Variants in TSPEAR observed in about 807,000 individuals in gnomAD.
TSPEAR encodes thrombospondin-type laminin G domain and EAR repeat-containing protein.
A neutral mutation model predicts 71.6 loss-of-function variants in TSPEAR; 69 were observed. That is an observed-to-expected ratio of 0.96 (90% CI 0.79 to 1.18). The LOEUF (loss-of-function observed/expected upper bound fraction) is 1.18. TSPEAR is among the 50% of genes most tolerant of loss of function. The pLI, the probability that TSPEAR is intolerant of heterozygous loss-of-function variation, is 0.00. For missense variants in TSPEAR, 971 were observed against 894.9 expected (o/e 1.09, Z -1.09); for synonymous variants, 402 against 387.2 (o/e 1.04, Z -0.45).
At chr21:44,604,423 C>A (rs1158698786) in intron 1 of TSPEAR, among the ~76,000 whole-genome samples, 2 of 151,976 alleles carry the variant, frequency 1.3e-5, no homozygotes, top group African/African-American at 4.8e-5. Flanking sequence ...GATAAGATAG[C>A]CAATCTCACC....
intron 1 of TSPEAR, chr21:44,573,690 C>CCTCA: frequency 6.4e-7 from 1 of 1,571,516 alleles, no homozygotes. Context: ...AACCCGAGCA[C>CCTCA]CTCACTCACT....
chr21:44,683,110 G>A lies in TSPEAR; in HGVS notation c.82+28323C>T, dbSNP rs147746214. On this transcript the variant is annotated intron_variant, in intron 1 of 11. Coordinates refer to ENST00000323084, the MANE Select transcript of TSPEAR (RefSeq NM_144991.3). The stretch of plus-strand genomic sequence containing the variant: ...AGGACCACAGACTACAGTGAGACCC[G>A]CCTAGGCCAGCCCGAACAAAGCCTA... 1.2e-3 allele frequency among the ~76,000 whole-genome samples: 184 copies of A among 152,070 alleles called. 1 individual carries two copies. The highest frequency in any genetic ancestry group is 4.3e-3 in the African/African-American group (177 of 41,484).
At chr21:44,707,494 C>T (rs1482568868) in intron 1 of TSPEAR, among the ~76,000 whole-genome samples, 6 of 152,108 alleles carry the variant, frequency 3.9e-5, no homozygotes, top group African/African-American at 1.2e-4. Flanking sequence ...GCTGGAGACC[C>T]TTGGCTTGTC....
rs576730055 is a variant in TSPEAR at position 44,701,903 on chromosome 21, C to T, written c.82+9530G>A. Reference sequence around the variant, plus strand: ...TGAGCAGCTGCAATTCTGTGTCTTTCGGCAAGTCTCTCCCTATCCTCCCTG... The same window carrying T: ...TGAGCAGCTGCAATTCTGTGTCTTTTGGCAAGTCTCTCCCTATCCTCCCTG... On this transcript the variant is annotated intron_variant, in intron 1 of 11. Coordinates refer to ENST00000323084, the MANE Select transcript of TSPEAR (RefSeq NM_144991.3). Among the ~76,000 whole-genome samples the T allele has an allele frequency of 1.1e-4, 17 of 152,272 alleles. No homozygotes were observed. The East Asian group carries it at 2.7e-3, about 24-fold the overall frequency.
At chr21:44,660,622 T>A (rs587716859) in intron 1 of TSPEAR, among the ~76,000 whole-genome samples, 1 of 152,330 alleles carries the variant, frequency 6.6e-6, no homozygotes, top group South Asian at 2.1e-4. Flanking sequence ...AAAAATTTCT[T>A]TGAGCCAAGG....
chr21:44,610,518 G>C (rs781961244), intron 1 of TSPEAR, among the ~76,000 whole-genome samples: 1 of 152,254 alleles, frequency 6.6e-6, no homozygotes, highest in African/African-American at 2.4e-5. Flanking sequence ...ATATGGAAAC[G>C]CATGGATGCC....
intron 1 of TSPEAR, chr21:44,697,618 AGCT>A: frequency 1.2e-6 from 2 of 1,612,846 alleles, no homozygotes; most frequent in Non-Finnish European, 1.7e-6. Context: ...GCTGCCAGCC[AGCT>A]TGCTGCATCT....
At chr21:44,554,826 T>C (rs1294870623) in intron 2 of TSPEAR, among the ~76,000 whole-genome samples, 2 of 152,266 alleles carry the variant, frequency 1.3e-5, no homozygotes, top group Non-Finnish European at 2.9e-5. Context: ...TGTGCGGTTC[T>C]GTTTCTACTG....
chr21:44,589,041 A>C (rs116295049), intron 1 of TSPEAR, among the ~76,000 whole-genome samples: 4,791 of 152,178 alleles, frequency 0.031, 165 homozygotes, highest in African/African-American at 0.083. Context: ...AACTACAAAT[A>C]GGGTGCAGTG....
rs199987981 is a variant in TSPEAR, at chr21:44,558,117, C to T, written c.303+9668G>A. The T allele has an allele frequency of 1.6e-4, 252 of 1,611,242 alleles. No individual in the cohort carries two copies. The highest frequency in any genetic ancestry group is 1.9e-4 in the Non-Finnish European group (228 of 1,178,652). On this transcript the variant is annotated intron_variant, in intron 2 of 11. Transcript: ENST00000323084. The stretch of plus-strand genomic sequence containing the variant: ...GGAAGAGAGGCGGGAGCACGTGGGG[C>T]GGCAGAGGAGGGACACGCAGGAGGC...
intron 1 of TSPEAR, chr21:44,681,754 G>A (rs1364177024): frequency 1.3e-6 from 2 of 1,503,744 alleles, no homozygotes; most frequent in Non-Finnish European, 1.8e-6. Flanking sequence ...ATGTGCAGAA[G>A]ACCAACTGAG....
chr21:44,620,177 CAG>C (rs370198893), intron 1 of TSPEAR, among the ~76,000 whole-genome samples: 19 of 152,330 alleles, frequency 1.2e-4, no homozygotes, highest in Non-Finnish European at 1.3e-4. Flanking sequence ...GGTTTGGGCA[CAG>C]GGGTGGGGAG....
intron 1 of TSPEAR, chr21:44,600,582 T>C (rs1465086797): frequency 6.3e-7 from 1 of 1,589,284 alleles, no homozygotes; most frequent in South Asian, 1.2e-5. Flanking sequence ...ATTCACTCAC[T>C]CACCCACTCA....
intron 1 of TSPEAR, among the ~76,000 whole-genome samples, chr21:44,595,121 C>T (rs1555927463): frequency 6.6e-6 from 1 of 152,174 alleles, no homozygotes; most frequent in Non-Finnish European, 1.5e-5. Context: ...TTGCACCTGG[C>T]CAGATGGTGA....
intron 1 of TSPEAR, among the ~76,000 whole-genome samples, chr21:44,670,678 T>G (rs1282876951): frequency 6.6e-6 from 1 of 152,190 alleles, no homozygotes; most frequent in African/African-American, 2.4e-5. Context: ...TTTGCCAGGA[T>G]GCCACATAAT....
At chr21:44,568,205 C>G (rs2053729245) in intron 1 of TSPEAR, among the ~76,000 whole-genome samples, 200 bp from the exon 2 acceptor site, 1 of 152,154 alleles carries the variant, frequency 6.6e-6, no homozygotes, top group Admixed American at 6.5e-5. Context: ...TGGCCTCCCC[C>G]CACCCCTCCT....
intron 9 of TSPEAR, among the ~76,000 whole-genome samples, chr21:44,511,424 G>A (rs1181660286): frequency 6.6e-6 from 1 of 152,214 alleles, no homozygotes; most frequent in African/African-American, 2.4e-5. Flanking sequence ...CTGTACACAT[G>A]TGGATACACA....
intron 1 of TSPEAR, among the ~76,000 whole-genome samples, chr21:44,606,425 A>G (rs1171960744): frequency 6.6e-6 from 1 of 152,190 alleles, no homozygotes; most frequent in East Asian, 1.9e-4. Flanking sequence ...TGTTGGTGGG[A>G]ATCTAAATTA....
chr21:44,605,952 A>T (rs1569215806), intron 1 of TSPEAR, among the ~76,000 whole-genome samples: 1 of 152,158 alleles, frequency 6.6e-6, no homozygotes, highest in Non-Finnish European at 1.5e-5. Flanking sequence ...TAGACAAATG[A>T]GATTGCATCA....
Sources: allele counts gnomAD v4.1 joint callset (sites outside exome capture counted in the v4.1 genomes callset), GRCh38; gene constraint gnomAD v4.1.1; transcripts MANE v1.5; gene names NCBI Gene and HGNC (gene_info 2026-07-23, HGNC 2026-07-21).